Variants in SLC3A2 observed in about 807,000 individuals in gnomAD.
SLC3A2 encodes solute carrier family 3 member 2.
A neutral mutation model predicts 48.5 loss-of-function variants in SLC3A2; 32 were observed. The ratio of observed to expected loss-of-function variants is 0.66; its 90% CI spans 0.50 to 0.89. The LOEUF (loss-of-function observed/expected upper bound fraction) is 0.89. SLC3A2 is among the 40% of genes least tolerant of loss of function. The pLI is 0.00. For synonymous variants in SLC3A2, 277 were observed against 288.8 expected, an observed-to-expected ratio of 0.96 and a Z score of 0.41; for missense variants, 587 against 680.7, an observed-to-expected ratio of 0.86 and a Z score of 1.53.
At chr11:62,869,822 G>A (rs1299915244) in intron 1 of SLC3A2, among the ~76,000 whole-genome samples, 1 of 146,926 alleles carries the variant, frequency 6.8e-6, no homozygotes, top group African/African-American at 2.5e-5. Flanking sequence ...TTGCTCTGTC[G>A]CCCAGGTTGG....
chr11:62,883,949 G>C, intron 3 of SLC3A2: 1 of 456,160 alleles, frequency 2.2e-6, no homozygotes, highest in Non-Finnish European at 4.4e-6. Flanking sequence ...TTCATCCTTG[G>C]CCTTGCTCTG....
At chr11:62,868,208 C>T (rs908927091) in intron 1 of SLC3A2, among the ~76,000 whole-genome samples, 3 of 152,062 alleles carry the variant, frequency 2.0e-5, no homozygotes, top group Admixed American at 6.6e-5. Flanking sequence ...AGGTGTGAGC[C>T]ACCACGCCTG....
chr11:62,856,444 A>G lies in SLC3A2; in HGVS notation c.112+63A>G, dbSNP rs930713246. On this transcript the variant is annotated intron_variant, in intron 1 of 9. Transcript: ENST00000377889. ...TTTGGTGGGGCCATTTCGGGAAAGT[A>G]TGTCAGGACGTAAGTGCTTCACTGA... 6.4e-6 allele frequency: 9 copies of G among 1,417,250 alleles called. No individual in the cohort carries two copies. The African/African-American group carries it at 1.0e-4, about 16-fold the overall frequency. The allele number at this position is 1,417,250 out of a possible 1,614,324, so 87.8% of individuals were successfully genotyped here.
chr11:62,884,972 C>T (rs1443756771), intron 5 of SLC3A2, among the ~76,000 whole-genome samples: 2 of 151,824 alleles, frequency 1.3e-5, no homozygotes, highest in African/African-American at 4.8e-5. Context: ...GCTGGGATTA[C>T]AGACGCGGGC....
chr11:62,872,069 C>T (rs187995653), intron 1 of SLC3A2, among the ~76,000 whole-genome samples: 14 of 152,230 alleles, frequency 9.2e-5, no homozygotes, highest in Admixed American at 3.3e-4. Flanking sequence ...CACACCGCCA[C>T]GCCTGGCTAA....
chr11:62,881,138 A>G lies in SLC3A2; in HGVS notation c.115A>G (p.Lys39Glu). ...GAAMSLAGAEKNGLVKIKVAE... is the reference protein window; with the variant it reads ...GAAMSLAGAEENGLVKIKVAE... ...GGCCATGTCCCTGGCGGGAGCCGAGAAGAATGGTCTGGTGAAGATCAAGGT... is the reference window on the plus strand; with the variant it reads ...GGCCATGTCCCTGGCGGGAGCCGAGGAGAATGGTCTGGTGAAGATCAAGGT... The change falls in exon 1 of 9, where the codon AAG becomes GAG. Residue 39 changes from lysine to glutamate, a missense_variant. Around this residue, in one of 3 missense-constraint regions of SLC3A2, gnomAD observed 409 missense variants for 446.7 expected, o/e 0.92. Coordinates refer to ENST00000338663, the MANE Select transcript of SLC3A2 (RefSeq NM_001013251.3). This position sits in a 1 kb window ranked among gnomAD's most constrained non-coding sequence, Gnocchi z 4.0. 1 of 1,604,362 alleles carries G rather than the reference A, an allele frequency of 6.2e-7. No individual in the cohort carries two copies. The highest frequency in any genetic ancestry group is 8.5e-7 in the Non-Finnish European group (1 of 1,176,746).
chr11:62,881,804 T>C lies in SLC3A2; in HGVS notation c.425-89T>C, dbSNP rs545471809. The C allele has an allele frequency of 1.2e-5, 18 of 1,474,806 alleles. No homozygotes were observed. The African/African-American group carries it at 2.5e-4, about 21-fold the overall frequency. 91.4% of individuals were successfully genotyped at this position (1,474,806 alleles called of 1,614,324 possible). Reference sequence around the variant, plus strand: ...TCTCTCCCCCTTTGCCCCCTCCCCGTCCCACCCTTAGGCGCTGGGAGAAGG... The same window carrying C: ...TCTCTCCCCCTTTGCCCCCTCCCCGCCCCACCCTTAGGCGCTGGGAGAAGG... On this transcript the variant is annotated intron_variant, in intron 1 of 8. Transcript: ENST00000338663. This position sits in a 1 kb window ranked among gnomAD's most constrained non-coding sequence, Gnocchi z 4.0.
chr11:62,878,359 T>G (rs968119312), upstream of SLC3A2, among the ~76,000 whole-genome samples: 22 of 152,064 alleles, frequency 1.4e-4, no homozygotes, highest in African/African-American at 5.3e-4. Flanking sequence ...CCACCATGGC[T>G]CACTGCAGCC....
At chr11:62,857,582 T>C (rs1367182718) in intron 1 of SLC3A2, among the ~76,000 whole-genome samples, 1 of 150,020 alleles carries the variant, frequency 6.7e-6, no homozygotes, top group Non-Finnish European at 1.5e-5. Flanking sequence ...CCCAGCTGCT[T>C]GGGAGGCTAA....
At position 62,885,280 on chromosome 11, in the gene SLC3A2, G is replaced by C. The variant is rs749160846; in HGVS notation, c.922G>C (p.Gly308Arg). The C allele has an allele frequency of 2.8e-5, 45 of 1,614,084 alleles. No individual in the cohort carries two copies. Among genetic ancestry groups the C allele is most frequent in the Non-Finnish European group, 3.7e-5 (44 of 1,180,050 alleles). The change falls in exon 6 of 9, where the codon GGT becomes CGT. Residue 308 changes from glycine (G) to arginine (R), a missense_variant. Gly to Arg is a moderately radical substitution (Grantham distance 125). This residue lies in a region of SLC3A2 where 409 missense variants were observed against 446.7 expected (regional missense o/e 0.92). Transcript: ENST00000338663. ...LLTSSYLSDS[G>R]STGEHTKSLV... ...GACTAGCTCATACCTGTCTGATTCTGGTTCTACTGGGGAGCATACAAAATC... is the reference window on the plus strand; with the variant it reads ...GACTAGCTCATACCTGTCTGATTCTCGTTCTACTGGGGAGCATACAAAATC...
chr11:62,881,932 T>TG lies in SLC3A2; in HGVS notation c.465dup (p.Lys156GlufsTer15). 1 of 1,614,106 alleles carries TG rather than the reference T, an allele frequency of 6.2e-7. No homozygotes were observed. The highest frequency in any genetic ancestry group is 8.5e-7 in the Non-Finnish European group (1 of 1,180,022). ...CTCGATTACCTGAGCTCTCTGAAGG[T>TG]GAAGGGCCTTGTGCTGGGTCCAATT... On this transcript the variant is annotated frameshift_variant, in exon 2 of 9. Transcript: ENST00000338663. LOFTEE classifies it high-confidence loss of function. This position sits in a 1 kb window ranked among gnomAD's most constrained non-coding sequence, Gnocchi z 4.0.
At chr11:62,873,158 G>C (rs2085534668) in intron 1 of SLC3A2, among the ~76,000 whole-genome samples, 3 of 151,814 alleles carry the variant, frequency 2.0e-5, no homozygotes, top group Non-Finnish European at 4.4e-5. Flanking sequence ...GAGTAGCTGG[G>C]ACTACAGGCA....
At chr11:62,867,432 TCTC>T (rs992233492) in intron 1 of SLC3A2, among the ~76,000 whole-genome samples, 8 of 149,126 alleles carry the variant, frequency 5.4e-5, no homozygotes, top group Non-Finnish European at 7.4e-5. Context: ...TTCAAGCTAT[TCTC>T]CTGCTTCAGC....
At chr11:62,882,757 G>A in intron 2 of SLC3A2, 151 bp from the exon 3 acceptor site, 2 of 684,064 alleles carry the variant, frequency 2.9e-6, no homozygotes, top group Non-Finnish European at 5.2e-6. Context: ...GCTCACATCT[G>A]TTTCAATGGA....
chr11:62,876,140 A>C (rs1405671430), upstream of SLC3A2, among the ~76,000 whole-genome samples: 1 of 152,218 alleles, frequency 6.6e-6, no homozygotes, highest in African/African-American at 2.4e-5. Context: ...GCTGGGATTA[A>C]AGGCATGAGC....
upstream of SLC3A2, chr11:62,880,674 C>T (rs568554591): frequency 1.9e-3 from 436 of 231,466 alleles, 2 homozygotes; most frequent in African/African-American, 8.4e-3. Context: ...TTAAAGGTGG[C>T]TCCGTGCCAG....
intron 1 of SLC3A2, chr11:62,871,614 A>C (rs916291168): frequency 2.3e-5 from 15 of 659,038 alleles, no homozygotes; most frequent in Non-Finnish European, 3.9e-5. Context: ...CTGGTCTTCA[A>C]CTCTTGGCCT....
chr11:62,878,867 C>T (rs896267870), upstream of SLC3A2, among the ~76,000 whole-genome samples: 19 of 150,932 alleles, frequency 1.3e-4, no homozygotes, highest in African/African-American at 4.4e-4. Context: ...CTCTGCCTCT[C>T]GGGTTCAAGC....
At chr11:62,867,054 GA>G (rs2085459943) in intron 1 of SLC3A2, among the ~76,000 whole-genome samples, 1 of 151,984 alleles carries the variant, frequency 6.6e-6, no homozygotes, top group Non-Finnish European at 1.5e-5. Context: ...GCGATGGACT[GA>G]TCTCGGCTCG....
Sources: gnomAD v4.1 joint callset for allele counts (sites outside exome capture counted in the v4.1 genomes callset) on GRCh38, gnomAD v4.1.1 for gene constraint, gnomAD v4.1.1 regional missense constraint, Gnocchi (gnomAD v3.1) non-coding constraint, MANE v1.5 for transcripts, NCBI Gene and HGNC (gene_info 2026-07-23, HGNC 2026-07-21) for gene names.